Variants in DNAH3 observed in about 807,000 individuals in gnomAD.
The protein encoded by DNAH3 is dynein axonemal heavy chain 3.
In DNAH3, 332 loss-of-function variants were observed where a neutral mutation model predicts 432.5. The ratio of observed to expected loss-of-function variants is 0.77; its 90% confidence interval spans 0.70 to 0.84. The LOEUF is 0.84. Among genes scored for constraint, DNAH3 ranks in the 40% least tolerant of loss-of-function variants. The probability of loss-of-function intolerance (pLI) is 0.00; values close to 1 mark genes in which losing one functional copy is unlikely to be tolerated. For missense variants in DNAH3, 4,861 were observed against 5,114.0 expected (o/e 0.95, Z 1.51); for synonymous variants, 1,956 against 1,900.2 (o/e 1.03, Z -0.76).
chr16:21,031,291 G>T lies in DNAH3; in HGVS notation c.5198-5C>A. ...CAAACTCCTCCATCTGATTGGCTGG[G>T]CAAGAAGGTTCAACACCAGTTATAA... On this transcript the variant is annotated splice_polypyrimidine_tract_variant and splice_region_variant and intron_variant, in intron 36 of 61. Coordinates refer to ENST00000261383, the Ensembl canonical transcript of DNAH3. The T allele has an allele frequency of 1.2e-6, 2 of 1,614,112 alleles. No individual in the cohort carries two copies. Among genetic ancestry groups the T allele is most frequent in the East Asian group, 4.5e-5 (2 of 44,878 alleles).
intron 50 of DNAH3, among the ~76,000 whole-genome samples, chr16:20,976,365 G>T (rs932025321): frequency 1.3e-5 from 2 of 151,768 alleles, no homozygotes; most frequent in East Asian, 3.9e-4. Context: ...GCTAATTTTT[G>T]TATTTTTAGT....
intron 19 of DNAH3, among the ~76,000 whole-genome samples, chr16:21,085,272 G>T (rs974842647): frequency 6.6e-6 from 1 of 151,924 alleles, no homozygotes; most frequent in Admixed American, 6.6e-5. Flanking sequence ...AGCCAGGCAC[G>T]GTGGCTCATG....
chr16:21,106,767 C>A, intron 14 of DNAH3, 93 bp from the exon 15 acceptor site: 1 of 1,100,402 alleles, frequency 9.1e-7, no homozygotes, highest in Non-Finnish European at 1.2e-6. Context: ...GTTCAAAATA[C>A]ATAATTCCTA....
intron 1 of DNAH3, among the ~76,000 whole-genome samples, chr16:21,152,506 A>T (rs921784651): frequency 1.3e-5 from 2 of 152,220 alleles, no homozygotes; most frequent in African/African-American, 4.8e-5. Context: ...GCACTTGAGG[A>T]GCCCTTCAGC....
At chr16:21,075,605 G>A in intron 20 of DNAH3, 44 bp from the exon 21 acceptor site, 1 of 1,458,396 alleles carries the variant, frequency 6.9e-7, no homozygotes, top group Non-Finnish European at 9.6e-7. Flanking sequence ...AGGAGGCAGA[G>A]AAGACACATC....
rs59721600 is a variant in DNAH3, at chr16:20,996,594, G to T, written c.6601+689C>A. On this transcript the variant is annotated intron_variant, in intron 44 of 61. Transcript: ENST00000261383. ...CCTGCCTCAGCCTCCCAAGTAGCTG[G>T]ACTACAGGCACAAGCCACCAAGCCC... is the stretch of plus-strand genomic sequence containing the variant. 2.0e-3 allele frequency among the ~76,000 whole-genome samples: 310 copies of T among 152,228 alleles called. 2 individuals are homozygous for T. The highest frequency in any genetic ancestry group is 6.8e-3 in the African/African-American group (281 of 41,538).
intron 29 of DNAH3, among the ~76,000 whole-genome samples, chr16:21,051,263 G>A (rs1163557235): frequency 6.6e-6 from 1 of 152,174 alleles, no homozygotes; most frequent in Non-Finnish European, 1.5e-5. Flanking sequence ...GCTGAGCACA[G>A]AATGGCCAGC....
At chr16:21,049,660 T>G in exon 31 of DNAH3, 1 of 1,614,122 alleles carries the variant, frequency 6.2e-7, no homozygotes, top group Non-Finnish European at 8.5e-7. Context: ...ATCCAAACCA[T>G]CGGAGCAGTT....
At position 20,979,324 on chromosome 16, in the gene DNAH3, G is replaced by A. The variant is rs1269380827; in HGVS notation, c.8076+6C>T. The A allele has an allele frequency of 6.2e-7, 1 of 1,613,500 alleles. No individual in the cohort carries two copies. The highest frequency in any genetic ancestry group is 1.1e-5 in the South Asian group (1 of 91,024). The stretch of plus-strand genomic sequence containing the variant: ...TTTGTCTCTGTTCTGTTTTGGCAGT[G>A]CTCACCTGAGAAGCTGCAAAGTCGA... On this transcript the variant is annotated splice_donor_region_variant and intron_variant, in intron 50 of 61. Coordinates refer to ENST00000261383, the Ensembl canonical transcript of DNAH3.
intron 21 of DNAH3, among the ~76,000 whole-genome samples, chr16:21,073,014 C>G (rs2090849147): frequency 6.6e-6 from 1 of 151,996 alleles, no homozygotes; most frequent in Non-Finnish European, 1.5e-5. Context: ...TAGGTAAGGT[C>G]TAAGGTGTGC....
At position 21,086,842 on chromosome 16, in the gene DNAH3, T is replaced by C. The variant is rs1189676611; in HGVS notation, c.2877+7A>G. 3.7e-6 allele frequency: 6 copies of C among 1,613,668 alleles called. No homozygotes were observed. The African/African-American group carries it at 6.7e-5, about 18-fold the overall frequency. On this transcript the variant is annotated splice_region_variant and intron_variant, in intron 19 of 61. Coordinates refer to ENST00000261383, the Ensembl canonical transcript of DNAH3. Reference sequence around the variant, plus strand: ...CTGCTTGGGGGCGGGCAGTGATTGATAGAAACCTGCTGCCAGTGTCGGTCT... The same window carrying C: ...CTGCTTGGGGGCGGGCAGTGATTGACAGAAACCTGCTGCCAGTGTCGGTCT...
chr16:21,108,743 A>C (rs2092003119), intron 14 of DNAH3, among the ~76,000 whole-genome samples: 1 of 151,930 alleles, frequency 6.6e-6, no homozygotes. Flanking sequence ...ACCCTGTCTC[A>C]ATTTTTTAAA....
At chr16:21,022,063 A>G in exon 40 of DNAH3, 1 of 1,614,054 alleles carries the variant, frequency 6.2e-7, no homozygotes, top group Non-Finnish European at 8.5e-7. Flanking sequence ...ACCAAATTCC[A>G]GGCAGGGCTG....
intron 21 of DNAH3, among the ~76,000 whole-genome samples, chr16:21,073,919 C>A (rs142506395): frequency 2.2e-4 from 33 of 152,276 alleles, no homozygotes; most frequent in African/African-American, 7.9e-4. Context: ...TTATACCATA[C>A]GCTTTTGTTC....
chr16:21,036,441 G>A (rs1278225130), intron 35 of DNAH3, among the ~76,000 whole-genome samples: 1 of 152,026 alleles, frequency 6.6e-6, no homozygotes, highest in Non-Finnish European at 1.5e-5. Context: ...AAGAGTCAGG[G>A]TCTCACTCTG....
chr16:20,980,917 C>T (rs2085867719), intron 49 of DNAH3, among the ~76,000 whole-genome samples: 2 of 152,164 alleles, frequency 1.3e-5, no homozygotes, highest in Non-Finnish European at 2.9e-5. Context: ...TTACTCAACT[C>T]TGCCATTTTA....
chr16:21,007,540 G>T (rs369914131), intron 41 of DNAH3, among the ~76,000 whole-genome samples: 44 of 152,118 alleles, frequency 2.9e-4, no homozygotes, highest in African/African-American at 1.1e-3. Context: ...CAGATATTTT[G>T]CCCATTTTAT....
At chr16:20,940,923 A>G (rs991226492) in intron 59 of DNAH3, among the ~76,000 whole-genome samples, 8 of 151,972 alleles carry the variant, frequency 5.3e-5, no homozygotes. Context: ...TCAAAACTCC[A>G]TCTCTATAAA....
chr16:21,157,856 C>T (rs2092909473), intron 1 of DNAH3, among the ~76,000 whole-genome samples: 1 of 150,958 alleles, frequency 6.6e-6, no homozygotes, highest in South Asian at 2.1e-4. Context: ...TGGTTCTCAC[C>T]TCGGGACGAT....
Sources: allele counts gnomAD v4.1 joint callset (sites outside exome capture counted in the v4.1 genomes callset), GRCh38; gene constraint gnomAD v4.1.1; transcripts MANE v1.5; gene names NCBI Gene and HGNC (gene_info 2026-07-23, HGNC 2026-07-21).